The following FOXJ3 variants were observed in gnomAD, a reference collection of about 807,000 sequenced individuals.
FOXJ3 encodes forkhead box J3.
A neutral mutation model predicts 76.1 loss-of-function variants in FOXJ3; 22 were observed. The observed-to-expected ratio is 0.29, with a 90% CI of 0.21 to 0.41. The LOEUF (loss-of-function observed/expected upper bound fraction) is 0.41. Ranked by LOEUF, FOXJ3 falls within the 10% of genes least tolerant of loss-of-function variation. The probability of loss-of-function intolerance (pLI) is 1.00; values close to 1 mark genes in which losing one functional copy is unlikely to be tolerated. For synonymous variants in FOXJ3, 269 were observed against 261.2 expected, an observed-to-expected ratio of 1.03 and a Z score of -0.29; for missense variants, 613 against 762.1, an observed-to-expected ratio of 0.80 and a Z score of 2.30.
chr1:42,201,090 A>AACTATCT (rs55735417), intron 6 of FOXJ3, among the ~76,000 whole-genome samples: 1 of 5,750 alleles, frequency 1.7e-4, no homozygotes, highest in South Asian at 6.9e-3. Context: ...TTTATTTTCA[A>AACTATCT]GGCAGAAATA....
chr1:42,242,412 T>G (rs558443439), intron 4 of FOXJ3, among the ~76,000 whole-genome samples: 1 of 151,682 alleles, frequency 6.6e-6, no homozygotes, highest in African/African-American at 2.4e-5. Flanking sequence ...GGGACAGATA[T>G]CATTAAAAAG....
chr1:42,216,804 A>C (rs343362), intron 5 of FOXJ3, among the ~76,000 whole-genome samples: 101,472 of 151,982 alleles, frequency 0.67, 35,571 homozygotes, highest in Admixed American at 0.78. Flanking sequence ...GCCAACAGAT[A>C]AATAAAAATG....
In FOXJ3 at chr1:42,199,216, G is replaced by A; in HGVS notation, c.645C>T (p.Asn215=). ...NTVTNKVTLY[N]TDQDGSDSPR... ...GGCTATCACTACCATCCTGATCAGT[G>A]TTATACAATGTTACCTAAAATGAAA... Residue 215 remains asparagine, a synonymous_variant, in exon 7 of 13, where the codon AAC becomes AAT. Transcript: ENST00000361346. The A allele has an allele frequency of 6.2e-7, 1 of 1,611,532 alleles. No individual in the cohort carries two copies. The highest frequency in any genetic ancestry group is 1.7e-5 in the Admixed American group (1 of 59,812).
At chr1:42,250,307 G>GA (rs1327653211) in intron 4 of FOXJ3, among the ~76,000 whole-genome samples, 2 of 152,218 alleles carry the variant, frequency 1.3e-5, no homozygotes, top group African/African-American at 4.8e-5. Flanking sequence ...ACATGAGACT[G>GA]AATTAGGTTC....
chr1:42,251,618 A>G (rs1650056700), intron 4 of FOXJ3, among the ~76,000 whole-genome samples: 2 of 150,880 alleles, frequency 1.3e-5, no homozygotes, highest in African/African-American at 4.9e-5. Context: ...ATTTGAATAT[A>G]TTGAACCAGC....
chr1:42,331,290 G>C (rs1309563516), intron 1 of FOXJ3, among the ~76,000 whole-genome samples: 1 of 152,094 alleles, frequency 6.6e-6, no homozygotes, highest in Admixed American at 6.5e-5. Flanking sequence ...GGTGAGGTGG[G>C]AGAATCGCTT....
chr1:42,329,357 CA>C (rs1656023081), intron 1 of FOXJ3, among the ~76,000 whole-genome samples: 1 of 152,146 alleles, frequency 6.6e-6, no homozygotes, highest in Non-Finnish European at 1.5e-5. Flanking sequence ...TCTCTTTAAC[CA>C]AAACACTATG....
At chr1:42,252,759 C>A (rs1004641014) in intron 4 of FOXJ3, among the ~76,000 whole-genome samples, 4 of 152,052 alleles carry the variant, frequency 2.6e-5, no homozygotes, top group African/African-American at 9.7e-5. Context: ...CTCTTGTGGG[C>A]ATTTAGTGCT....
At chr1:42,203,761 C>G (rs1338921423) in intron 6 of FOXJ3, among the ~76,000 whole-genome samples, 1 of 151,950 alleles carries the variant, frequency 6.6e-6, no homozygotes, top group Non-Finnish European at 1.5e-5. Flanking sequence ...TTTGGGAGGC[C>G]AAGGCGGACA....
At chr1:42,243,899 C>G (rs1266457325) in intron 4 of FOXJ3, among the ~76,000 whole-genome samples, 7 of 152,028 alleles carry the variant, frequency 4.6e-5, no homozygotes, top group Non-Finnish European at 4.4e-5. Flanking sequence ...TGGAATATTC[C>G]CCAGGATAGA....
At chr1:42,307,458 G>C (rs1654537504) in intron 2 of FOXJ3, among the ~76,000 whole-genome samples, 1 of 152,146 alleles carries the variant, frequency 6.6e-6, no homozygotes, top group Non-Finnish European at 1.5e-5. Flanking sequence ...GTCTATCTTT[G>C]TGATACTTTA....
intron 2 of FOXJ3, among the ~76,000 whole-genome samples, chr1:42,308,242 G>A (rs1321052876): frequency 1.3e-5 from 2 of 152,144 alleles, no homozygotes; most frequent in African/African-American, 4.8e-5. Context: ...TAGTATATAC[G>A]AGAGAGAAGG....
intron 4 of FOXJ3, 48 bp downstream of exon 4, chr1:42,265,067 C>A: frequency 8.9e-7 from 1 of 1,128,874 alleles, no homozygotes; most frequent in Non-Finnish European, 1.4e-6. Flanking sequence ...TCAAACATGA[C>A]AAGTGACATA....
chr1:42,260,641 T>G (rs1463784162), intron 4 of FOXJ3, among the ~76,000 whole-genome samples: 1 of 152,108 alleles, frequency 6.6e-6, no homozygotes, highest in African/African-American at 2.4e-5. Context: ...ACCACTGCAC[T>G]GGGCAAAAGG....
rs1326908511 is a variant in FOXJ3, at chr1:42,324,100, C to G, written c.-18+10959G>C. On this transcript the variant is annotated intron_variant, in intron 1 of 12. Transcript: ENST00000361346. ...ATATAGTATATATACTGTATATATA[C>G]TGTGTATATACACTGTATATACACA... 3.5e-5 allele frequency among the ~76,000 whole-genome samples: 2 copies of G among 57,492 alleles called. 1 individual carries two copies. Among genetic ancestry groups the G allele is most frequent in the Non-Finnish European group, 7.2e-5 (2 of 27,776 alleles). The allele number at this position is 57,492 out of a possible 152,430, so 37.7% of individuals were successfully genotyped here.
chr1:42,280,297 G>A (rs1335813106), intron 2 of FOXJ3: 1 of 983,674 alleles, frequency 1.0e-6, no homozygotes, highest in African/African-American at 1.7e-5. Context: ...TGCACTGCCA[G>A]TAAATTGAGT....
At chr1:42,191,172 C>T in intron 9 of FOXJ3, 131 bp downstream of exon 9, 1 of 838,868 alleles carries the variant, frequency 1.2e-6, no homozygotes, top group Non-Finnish European at 1.7e-6. Context: ...AAATGAGTTA[C>T]AACTATAGGA....
At chr1:42,220,024 T>G (rs556669726) in intron 5 of FOXJ3, among the ~76,000 whole-genome samples, 4 of 152,236 alleles carry the variant, frequency 2.6e-5, no homozygotes, top group African/African-American at 9.6e-5. Flanking sequence ...ACAGTTTACA[T>G]TTCTAACAAG....
At chr1:42,261,477 C>A (rs528269780) in intron 4 of FOXJ3, among the ~76,000 whole-genome samples, 1 of 151,718 alleles carries the variant, frequency 6.6e-6, no homozygotes, top group East Asian at 1.9e-4. Context: ...GAATCTCAGA[C>A]CACCAATGTA....
Sources: allele counts gnomAD v4.1 joint callset (sites outside exome capture counted in the v4.1 genomes callset), GRCh38; gene constraint gnomAD v4.1.1; transcripts MANE v1.5; gene names NCBI Gene and HGNC (gene_info 2026-07-23, HGNC 2026-07-21).